Variants in SGCZ observed in about 807,000 individuals in gnomAD.
SGCZ encodes the protein zeta-sarcoglycan.
Under a neutral mutation model 41.3 loss-of-function variants are expected in SGCZ, and 40 were observed. The observed-to-expected ratio is 0.97, with a 90% CI of 0.75 to 1.26. The LOEUF (loss-of-function observed/expected upper bound fraction) is 1.26, where lower values mean the gene tolerates loss of function less well. Among genes scored for constraint, SGCZ ranks in the 50% most tolerant of loss-of-function variants. SGCZ has a pLI of 0.00. For synonymous variants in SGCZ, 206 were observed against 137.5 expected, an observed-to-expected ratio of 1.50 and a Z score of -3.49; for missense variants, 552 against 369.8, an observed-to-expected ratio of 1.49 and a Z score of -4.04.
chr8:14,829,758 T>TTTA (rs1554507994), intron 1 of SGCZ, among the ~76,000 whole-genome samples: 6 of 152,136 alleles, frequency 3.9e-5, no homozygotes, highest in African/African-American at 1.2e-4. Flanking sequence ...AGGGTTTTTT[T>TTTA]AAAAAAAATC....
intron 4 of SGCZ, among the ~76,000 whole-genome samples, chr8:14,169,720 A>G (rs1804317783): frequency 6.6e-6 from 1 of 152,170 alleles, no homozygotes; most frequent in Non-Finnish European, 1.5e-5. Context: ...AATTGATTCA[A>G]GCATAAGCAG....
At chr8:14,397,476 G>A (rs1417744748) in intron 2 of SGCZ, among the ~76,000 whole-genome samples, 1 of 151,876 alleles carries the variant, frequency 6.6e-6, no homozygotes, top group East Asian at 1.9e-4. Context: ...TATAAATCAA[G>A]CTGTGATAGT....
intron 1 of SGCZ, among the ~76,000 whole-genome samples, chr8:15,063,032 A>G (rs1804995356): frequency 6.6e-6 from 1 of 152,064 alleles, no homozygotes; most frequent in Admixed American, 6.5e-5. Context: ...GCCATTTAAT[A>G]TATTTCCCAT....
chr8:14,635,498 A>C (rs1356962162), intron 1 of SGCZ, among the ~76,000 whole-genome samples: 1 of 151,942 alleles, frequency 6.6e-6, no homozygotes, highest in African/African-American at 2.4e-5. Flanking sequence ...TTTACTTTTC[A>C]TGATTTGTTA....
At chr8:14,091,537 T>A (rs1346072064) in intron 7 of SGCZ, among the ~76,000 whole-genome samples, 23 of 152,144 alleles carry the variant, frequency 1.5e-4, no homozygotes, top group Non-Finnish European at 1.5e-5. Flanking sequence ...TGAGATGGTA[T>A]CCCATTGTGG....
chr8:14,261,880 A>C (rs1799680255), intron 3 of SGCZ, among the ~76,000 whole-genome samples: 1 of 152,192 alleles, frequency 6.6e-6, no homozygotes, highest in Non-Finnish European at 1.5e-5. Context: ...AAATTCCAGA[A>C]GCAAAGCAAA....
At chr8:14,417,336 T>G (rs529867543) in intron 2 of SGCZ, among the ~76,000 whole-genome samples, 2 of 151,902 alleles carry the variant, frequency 1.3e-5, no homozygotes, top group Non-Finnish European at 2.9e-5. Flanking sequence ...ATATAAATTT[T>G]AAATTGTTCA....
rs541216465 is a variant in SGCZ, at chr8:15,065,516, C to A, written c.39+172069G>T. Among the ~76,000 whole-genome samples, 5 of 151,582 alleles carry A rather than the reference C, an allele frequency of 3.3e-5. No homozygotes were observed. The East Asian group carries it at 7.8e-4, about 24-fold the overall frequency. ...CTGGAGTGCAGTGGCAGGATCTCGGCTCACTGCAATCTCCACCTCCTAGGC... is the reference window on the plus strand; with the variant it reads ...CTGGAGTGCAGTGGCAGGATCTCGGATCACTGCAATCTCCACCTCCTAGGC... On this transcript the variant is annotated intron_variant, in intron 1 of 7. Coordinates refer to ENST00000382080, the MANE Select transcript of SGCZ (RefSeq NM_139167.4).
chr8:14,801,067 T>G (rs554316982), intron 1 of SGCZ, among the ~76,000 whole-genome samples: 30 of 152,348 alleles, frequency 2.0e-4, no homozygotes, highest in African/African-American at 7.0e-4. Context: ...GAATGACTGA[T>G]AAGTTAGAAA....
At chr8:14,185,683 T>C (rs1804880990) in intron 4 of SGCZ, among the ~76,000 whole-genome samples, 1 of 152,196 alleles carries the variant, frequency 6.6e-6, no homozygotes, top group South Asian at 2.1e-4. Flanking sequence ...TGTTTTGTTT[T>C]GTTTTGTTTT....
chr8:14,185,429 A>T lies in SGCZ; in HGVS notation c.425-20727T>A, dbSNP rs117172246. On this transcript the variant is annotated intron_variant, in intron 4 of 7. Coordinates refer to ENST00000382080, the MANE Select transcript of SGCZ (RefSeq NM_139167.4). ...AAATAAATAAATAAATAAAATAAAA[A>T]AACAAAAAATCTGGCTTTCATTCTC... Among the ~76,000 whole-genome samples, 449 of 152,174 alleles carry T rather than the reference A, an allele frequency of 3.0e-3. 6 individuals are homozygous for T. In the East Asian group the frequency reaches 0.044, roughly 15 times the overall value.
intron 1 of SGCZ, among the ~76,000 whole-genome samples, chr8:14,969,448 C>T (rs1412074763): frequency 6.6e-6 from 1 of 152,018 alleles, no homozygotes; most frequent in Non-Finnish European, 1.5e-5. Flanking sequence ...ACAACTACAG[C>T]CGTATCACCA....
At chr8:14,194,432 G>A (rs975916534) in intron 4 of SGCZ, among the ~76,000 whole-genome samples, 1 of 151,744 alleles carries the variant, frequency 6.6e-6, no homozygotes, top group African/African-American at 2.4e-5. Context: ...ATTAATAAGA[G>A]TACTATATAA....
chr8:15,148,389 T>C (rs1328692795), intron 1 of SGCZ, among the ~76,000 whole-genome samples: 2 of 152,180 alleles, frequency 1.3e-5, no homozygotes, highest in Admixed American at 6.5e-5. Flanking sequence ...GTTTGATTTT[T>C]GCTCATTTGC....
chr8:14,613,000 T>A (rs1805979400), intron 1 of SGCZ, among the ~76,000 whole-genome samples: 1 of 152,114 alleles, frequency 6.6e-6, no homozygotes, highest in Non-Finnish European at 1.5e-5. Context: ...GCAGATTTTT[T>A]AAAGAGGACA....
chr8:14,406,820 G>A (rs557265457), intron 2 of SGCZ, among the ~76,000 whole-genome samples: 1 of 152,128 alleles, frequency 6.6e-6, no homozygotes, highest in Non-Finnish European at 1.5e-5. Context: ...ATAAATATGA[G>A]TGCAGCACTG....
At chr8:15,037,549 C>T (rs1489298216) in intron 1 of SGCZ, among the ~76,000 whole-genome samples, 1 of 152,180 alleles carries the variant, frequency 6.6e-6, no homozygotes, top group Non-Finnish European at 1.5e-5. Context: ...AAGTTTTCCT[C>T]TGAGATCAGT....
intron 1 of SGCZ, among the ~76,000 whole-genome samples, chr8:14,799,695 T>G (rs2130497510): frequency 6.6e-6 from 1 of 152,228 alleles, no homozygotes; most frequent in East Asian, 1.9e-4. Context: ...AAAAAATTTT[T>G]TTTTTTAAAT....
chr8:14,797,308 A>G (rs1801167692), intron 1 of SGCZ, among the ~76,000 whole-genome samples: 1 of 152,140 alleles, frequency 6.6e-6, no homozygotes. Flanking sequence ...AAATGCTGAC[A>G]GTGATATGGA....
Sources: allele counts gnomAD v4.1 joint callset (sites outside exome capture counted in the v4.1 genomes callset), GRCh38; gene constraint gnomAD v4.1.1; transcripts MANE v1.5; gene names NCBI Gene and HGNC (gene_info 2026-07-23, HGNC 2026-07-21).